Variants in LZTFL1 observed in about 807,000 individuals in gnomAD.
LZTFL1 encodes leucine zipper transcription factor-like protein 1.
A neutral mutation model predicts 45.9 loss-of-function variants in LZTFL1; 25 were observed. The ratio of observed to expected loss-of-function variants is 0.54; its 90% CI spans 0.40 to 0.76. The LOEUF (loss-of-function observed/expected upper bound fraction) is 0.76. Ranked by LOEUF, LZTFL1 falls within the 30% of genes least tolerant of loss-of-function variation. The pLI is 0.00. For synonymous variants in LZTFL1, 93 were observed against 117.4 expected (o/e 0.79, Z 1.35); for missense variants, 277 against 331.1 (o/e 0.84, Z 1.27).
upstream of LZTFL1, among the ~76,000 whole-genome samples, chr3:45,843,335 AT>A (rs1176541262): frequency 2.0e-5 from 3 of 151,920 alleles, no homozygotes; most frequent in Non-Finnish European, 2.9e-5. Context: ...GACACATTCC[AT>A]TCCAGTAGTT....
At position 45,903,553 on chromosome 3, in the gene LZTFL1, C is replaced by T. The variant is rs375602682; in HGVS notation, c.-215+9567G>A. 4.6e-5 allele frequency among the ~76,000 whole-genome samples: 7 copies of T among 152,336 alleles called. No homozygotes were observed. In the East Asian group the frequency reaches 7.7e-4, roughly 17 times the overall value. ...TGGATCGCTGTGGTTTCCATTCCAA[C>T]GCCATCCCTTTCCAAAGGGGAGACA... On this transcript the variant is annotated intron_variant, in intron 2 of 4. Coordinates refer to the LZTFL1 transcript ENST00000472635.
upstream of LZTFL1, among the ~76,000 whole-genome samples, chr3:45,844,558 G>C (rs1183544853): frequency 2.0e-5 from 3 of 152,142 alleles, no homozygotes; most frequent in African/African-American, 4.8e-5. Flanking sequence ...GAAAATAGGG[G>C]AAATTATTTT....
At position 45,913,162 on chromosome 3, in the gene LZTFL1, G is replaced by A. The variant is rs1003939071; in HGVS notation, c.-257C>T. On this transcript the variant is annotated 5_prime_UTR_variant, in exon 2 of 5. Transcript: ENST00000472635. ...GGTTCCTCATCTGTAAAAGTGGGCT[G>A]ACTTACAGCAAGAGCCTAGAAAATT... is the stretch of plus-strand genomic sequence containing the variant. The A allele has an allele frequency of 7.2e-6, 11 of 1,535,504 alleles. No individual in the cohort carries two copies. In the African/African-American group the frequency reaches 1.2e-4, roughly 17 times the overall value.
intron 2 of LZTFL1, among the ~76,000 whole-genome samples, chr3:45,909,035 T>C (rs1384676734): frequency 6.6e-6 from 1 of 152,108 alleles, no homozygotes; most frequent in Non-Finnish European, 1.5e-5. Flanking sequence ...CACAAACCTA[T>C]TGTGAACATG....
chr3:45,895,872 C>G (rs1353763630), intron 2 of LZTFL1, among the ~76,000 whole-genome samples: 1 of 152,142 alleles, frequency 6.6e-6, no homozygotes, highest in East Asian at 1.9e-4. Flanking sequence ...TGATTTTGCT[C>G]TTCTCCAAGG....
At position 45,825,493 on chromosome 3, in the gene LZTFL1, T is replaced by C. The variant is rs1700640843; in HGVS notation, c.*821A>G. 6.6e-6 allele frequency: 1 copy of C among 152,190 alleles called. No homozygotes were observed. The highest frequency in any genetic ancestry group is 2.1e-4 in the South Asian group (1 of 4,830). The allele number at this position is 152,190 out of a possible 1,614,324, so 9.4% of individuals were successfully genotyped here. ...CTGATAGCTGATTTTATGTTGAATA[T>C]ACGTCTTTTAAAAAGTGTTCTTATT... On this transcript the variant is annotated 3_prime_UTR_variant, in exon 10 of 10. Transcript: ENST00000296135.
At chr3:45,903,302 A>T (rs941284877) in intron 2 of LZTFL1, 1 of 157,110 alleles carries the variant, frequency 6.4e-6, no homozygotes, top group African/African-American at 2.4e-5. Context: ...GTCTTTAAAA[A>T]AAAGTGTGAA....
At chr3:45,883,534 T>C in intron 2 of LZTFL1, 1 of 236,566 alleles carries the variant, frequency 4.2e-6, no homozygotes, top group Non-Finnish European at 8.3e-6. Context: ...TGTCCACCAA[T>C]GGATTTATCT....
chr3:45,859,639 CTTT>C (rs539062553), intron 2 of LZTFL1, among the ~76,000 whole-genome samples: 5 of 129,898 alleles, frequency 3.8e-5, no homozygotes, highest in East Asian at 2.2e-4. Flanking sequence ...CATTACATGG[CTTT>C]TTTTTTTTTT....
rs573590324 is a variant in LZTFL1, at chr3:45,873,287, C to A, written c.-214-14271G>T. 8.5e-5 allele frequency among the ~76,000 whole-genome samples: 13 copies of A among 152,280 alleles called. 1 individual carries two copies. The highest frequency in any genetic ancestry group is 3.1e-4 in the African/African-American group (13 of 41,562). On this transcript the variant is annotated intron_variant, in intron 2 of 4. Transcript: ENST00000472635. ...AAGCTCCTAGGTGATGCTAGTGTTG[C>A]TCTATGGGCCATGCATTGTACTGGG...
intron 2 of LZTFL1, among the ~76,000 whole-genome samples, chr3:45,910,459 C>G (rs985511927): frequency 6.6e-6 from 1 of 152,040 alleles, no homozygotes; most frequent in South Asian, 2.1e-4. Context: ...GGATGCTACC[C>G]GGAAGATGGT....
rs764365883 is a variant in LZTFL1, at chr3:45,901,014, T to C, written c.-215+12106A>G. 1.9e-6 allele frequency: 3 copies of C among 1,614,130 alleles called. No individual in the cohort carries two copies. The African/African-American group carries it at 4.0e-5, about 22-fold the overall frequency. On this transcript the variant is annotated intron_variant, in intron 2 of 4. Coordinates refer to the LZTFL1 transcript ENST00000472635. This position sits in a 1 kb window ranked among gnomAD's most constrained non-coding sequence, Gnocchi z 4.3. ...TCTTGTTATCCTTGTCTACTGGTAC[T>C]GCACAAGAGTGAAGACCATGACCGA...
intron 2 of LZTFL1, among the ~76,000 whole-genome samples, chr3:45,908,711 G>C (rs1702730002): frequency 6.6e-6 from 1 of 152,204 alleles, no homozygotes; most frequent in Non-Finnish European, 1.5e-5. Flanking sequence ...CAACTCTCTG[G>C]TGAAGTGTCC....
chr3:45,834,508 T>C, intron 3 of LZTFL1: 1 of 437,770 alleles, frequency 2.3e-6, no homozygotes, highest in South Asian at 3.9e-5. Flanking sequence ...GTACCTGGCA[T>C]TTTGTATCTA....
intron 5 of LZTFL1, among the ~76,000 whole-genome samples, chr3:45,831,749 C>T (rs917873563): frequency 6.6e-6 from 1 of 152,182 alleles, no homozygotes; most frequent in African/African-American, 2.4e-5. Flanking sequence ...ACTTCTCTTT[C>T]CTCTACAATT....
chr3:45,838,076 T>C (rs1701011677), intron 1 of LZTFL1, 25 bp from the exon 2 acceptor site: 1 of 1,574,286 alleles, frequency 6.4e-7, no homozygotes, highest in Non-Finnish European at 8.6e-7. Flanking sequence ...GGTAATTTAA[T>C]TGTTAGTTTT....
upstream of LZTFL1, among the ~76,000 whole-genome samples, chr3:45,847,096 A>G (rs1383684549): frequency 1.3e-5 from 2 of 152,148 alleles, no homozygotes; most frequent in African/African-American, 4.8e-5. Flanking sequence ...ATCTCCATCA[A>G]CTTGTGTTCA....
chr3:45,888,854 G>A (rs1019218856), intron 2 of LZTFL1, among the ~76,000 whole-genome samples: 1 of 152,196 alleles, frequency 6.6e-6, no homozygotes, highest in African/African-American at 2.4e-5. Context: ...GTGGGCTCTA[G>A]GGAGGGGTAT....
chr3:45,881,424 C>A (rs1384728430), intron 2 of LZTFL1, among the ~76,000 whole-genome samples: 1 of 152,160 alleles, frequency 6.6e-6, no homozygotes, highest in Non-Finnish European at 1.5e-5. Flanking sequence ...CATTTGGCAG[C>A]TCCTGAGGGG....
Sources: gnomAD v4.1 joint callset for allele counts (sites outside exome capture counted in the v4.1 genomes callset) on GRCh38, gnomAD v4.1.1 for gene constraint, Gnocchi (gnomAD v3.1) non-coding constraint, MANE v1.5 for transcripts, NCBI Gene and HGNC (gene_info 2026-07-23, HGNC 2026-07-21) for gene names.